Variants in TMEM178A observed in about 807,000 individuals in gnomAD.
TMEM178A encodes transmembrane protein 178A.
TMEM178A carries 12 observed loss-of-function variants against 29.1 expected under a neutral mutation model. The observed-to-expected ratio is 0.41, with a 90% CI of 0.26 to 0.67. The LOEUF (loss-of-function observed/expected upper bound fraction) is 0.67. Ranked by LOEUF, TMEM178A falls within the 30% of genes least tolerant of loss-of-function variation. TMEM178A has a pLI of 0.29. For synonymous variants in TMEM178A, 210 were observed against 187.2 expected (o/e 1.12, Z -0.99); for missense variants, 366 against 419.1 (o/e 0.87, Z 1.11).
intron 1 of TMEM178A, among the ~76,000 whole-genome samples, chr2:39,698,293 C>A (rs1388092779): frequency 1.3e-5 from 2 of 152,196 alleles, no homozygotes; most frequent in African/African-American, 4.8e-5. Flanking sequence ...ACTTAACTCT[C>A]TGAGCTTCGG....
chr2:39,696,940 C>A (rs564044452), intron 1 of TMEM178A, among the ~76,000 whole-genome samples: 184 of 152,254 alleles, frequency 1.2e-3, no homozygotes, highest in Non-Finnish European at 2.1e-3. Flanking sequence ...GTTTCTTCCC[C>A]CCATTGTGTG....
At chr2:39,706,678 G>A (rs1366898862) in intron 2 of TMEM178A, among the ~76,000 whole-genome samples, 1 of 151,876 alleles carries the variant, frequency 6.6e-6, no homozygotes, top group Non-Finnish European at 1.5e-5. Flanking sequence ...GTGGTTTTTG[G>A]TTAACCTACA....
intron 1 of TMEM178A, among the ~76,000 whole-genome samples, chr2:39,701,212 G>C (rs1391578204): frequency 6.6e-6 from 1 of 151,980 alleles, no homozygotes; most frequent in Non-Finnish European, 1.5e-5. Flanking sequence ...ACTCCCTTTA[G>C]TATTTATTTT....
intron 1 of TMEM178A, among the ~76,000 whole-genome samples, chr2:39,689,543 G>C (rs1671225141): frequency 6.6e-6 from 1 of 152,214 alleles, no homozygotes; most frequent in Non-Finnish European, 1.5e-5. Context: ...CATGGAAATA[G>C]AATGATGGTT....
At chr2:39,674,774 G>A (rs749085691) in intron 1 of TMEM178A, among the ~76,000 whole-genome samples, 2 of 152,154 alleles carry the variant, frequency 1.3e-5, no homozygotes, top group Non-Finnish European at 2.9e-5. Context: ...AAAAAATCCA[G>A]CCAGAAGATA....
chr2:39,673,514 A>C (rs1009827978), intron 1 of TMEM178A, among the ~76,000 whole-genome samples: 1 of 152,228 alleles, frequency 6.6e-6, no homozygotes, highest in Non-Finnish European at 1.5e-5. Flanking sequence ...TAAGAACCTA[A>C]AGGATGTAAT....
chr2:39,712,713 A>C (rs1310329456), intron 3 of TMEM178A, among the ~76,000 whole-genome samples: 1 of 152,010 alleles, frequency 6.6e-6, no homozygotes, highest in Non-Finnish European at 1.5e-5. Context: ...GAAGAGTATC[A>C]GCTAGGCAGG....
At position 39,692,940 on chromosome 2, in the gene TMEM178A, C is replaced by T. The variant is rs150352410; in HGVS notation, c.401-11141C>T. 2.3e-3 allele frequency among the ~76,000 whole-genome samples: 349 copies of T among 152,194 alleles called. 5 individuals are homozygous for T. Among genetic ancestry groups the T allele is most frequent in the African/African-American group, 7.9e-3 (327 of 41,520 alleles). On this transcript the variant is annotated intron_variant, in intron 1 of 3. Coordinates refer to ENST00000281961, the MANE Select transcript of TMEM178A (RefSeq NM_152390.3). Reference sequence around the variant, plus strand: ...AAATTTCTGTTAACATTTGGAAGCACGCAGGCTTAATTAACCTTACAATTT... The same window carrying T: ...AAATTTCTGTTAACATTTGGAAGCATGCAGGCTTAATTAACCTTACAATTT...
At chr2:39,667,220 C>T (rs1035209223) in intron 1 of TMEM178A, among the ~76,000 whole-genome samples, 2 of 152,162 alleles carry the variant, frequency 1.3e-5, no homozygotes, top group Non-Finnish European at 2.9e-5. Context: ...GTTCGTGGTA[C>T]CTTGTCAGGT....
chr2:39,709,853 T>C (rs1384224814), intron 3 of TMEM178A, among the ~76,000 whole-genome samples: 1 of 152,248 alleles, frequency 6.6e-6, no homozygotes, highest in East Asian at 1.9e-4. Context: ...TAAATATATG[T>C]ACTGCCTGAA....
At chr2:39,668,115 A>G (rs935534742) in intron 1 of TMEM178A, among the ~76,000 whole-genome samples, 9 of 152,232 alleles carry the variant, frequency 5.9e-5, no homozygotes, top group African/African-American at 1.9e-4. Flanking sequence ...AGGATATTGC[A>G]CAATGCCTCT....
the TMEM178A span, among the ~76,000 whole-genome samples, chr2:39,729,272 G>T: frequency 2.6e-5 from 4 of 152,188 alleles, no homozygotes; most frequent in African/African-American, 9.6e-5. Context: ...CTCTACCCCA[G>T]CTAGCCCCTG....
chr2:39,666,288 G>A lies in TMEM178A; in HGVS notation c.314G>A (p.Arg105Gln). 1 of 1,416,530 alleles carries A rather than the reference G, an allele frequency of 7.1e-7. No homozygotes were observed. Among genetic ancestry groups the A allele is most frequent in the Non-Finnish European group, 9.2e-7 (1 of 1,084,272 alleles). The allele number at this position is 1,416,530 out of a possible 1,614,324, so 87.7% of individuals were successfully genotyped here. ...GGCGGGCTGGACGCCGAGTGCGGCCGGCCCCTCTTCGCCACCTACTCGGGC... is the reference window on the plus strand; with the variant it reads ...GGCGGGCTGGACGCCGAGTGCGGCCAGCCCCTCTTCGCCACCTACTCGGGC... The part of the protein sequence containing the change: ...GLGGLDAECG[R>Q]PLFATYSGLW... The change falls in exon 1 of 4, where the codon CGG becomes CAG. Residue 105 changes from arginine to glutamine, a missense_variant. By Grantham distance (43) the Arg-to-Gln change is conservative. Coordinates refer to ENST00000281961, the MANE Select transcript of TMEM178A (RefSeq NM_152390.3).
At chr2:39,690,046 T>G (rs1671246652) in intron 1 of TMEM178A, among the ~76,000 whole-genome samples, 1 of 152,188 alleles carries the variant, frequency 6.6e-6, no homozygotes, top group Non-Finnish European at 1.5e-5. Flanking sequence ...TTGTCCAAGA[T>G]GCTCGCTTCT....
intron 1 of TMEM178A, among the ~76,000 whole-genome samples, chr2:39,688,591 T>TG (rs1671181382): frequency 6.6e-6 from 1 of 152,262 alleles, no homozygotes; most frequent in Admixed American, 6.5e-5. Flanking sequence ...TCTTTGACTC[T>TG]GGTACTAACC....
At chr2:39,697,222 G>C (rs1363657658) in intron 1 of TMEM178A, among the ~76,000 whole-genome samples, 5 of 152,156 alleles carry the variant, frequency 3.3e-5, no homozygotes, top group Non-Finnish European at 7.3e-5. Context: ...GATATGTTCT[G>C]TCAAGCAACT....
chr2:39,709,826 G>A (rs1672224875), intron 3 of TMEM178A, among the ~76,000 whole-genome samples: 2 of 152,234 alleles, frequency 1.3e-5, no homozygotes, highest in Non-Finnish European at 2.9e-5. Context: ...AGTAGGAGGA[G>A]TTTTTAAAGG....
At chr2:39,696,209 G>A (rs557042840) in intron 1 of TMEM178A, among the ~76,000 whole-genome samples, 175 of 152,308 alleles carry the variant, frequency 1.1e-3, no homozygotes, top group Middle Eastern at 3.4e-3. Flanking sequence ...GAGGTGATGG[G>A]AGTCTTGTTC....
At chr2:39,725,150 G>A in the TMEM178A span, among the ~76,000 whole-genome samples, 5 of 152,166 alleles carry the variant, frequency 3.3e-5, no homozygotes, top group African/African-American at 1.2e-4. Flanking sequence ...AGGAAAGACC[G>A]AGGGTGAGCT....
Sources: gnomAD v4.1 joint callset for allele counts (sites outside exome capture counted in the v4.1 genomes callset) on GRCh38, gnomAD v4.1.1 for gene constraint, MANE v1.5 for transcripts, NCBI Gene and HGNC (gene_info 2026-07-23, HGNC 2026-07-21) for gene names.